The following DNAI4 variants were observed in gnomAD, a reference collection of about 807,000 sequenced individuals.
DNAI4 encodes the protein WD repeat domain 78.
In DNAI4, 85 loss-of-function variants were observed where a neutral mutation model predicts 105.8. The observed-to-expected ratio is 0.80, with a 90% CI of 0.67 to 0.96. The LOEUF is 0.96. Among genes scored for constraint, DNAI4 ranks in the 40% least tolerant of loss-of-function variants. The probability of loss-of-function intolerance (pLI) is 0.00; values close to 1 mark genes in which losing one functional copy is unlikely to be tolerated. For synonymous variants in DNAI4, 352 were observed against 331.5 expected, an observed-to-expected ratio of 1.06 and a Z score of -0.67; for missense variants, 1,014 against 1,005.6, an observed-to-expected ratio of 1.01 and a Z score of -0.11.
At chr1:66,825,469 C>A (rs186225115) in intron 15 of DNAI4, among the ~76,000 whole-genome samples, 9 of 152,148 alleles carry the variant, frequency 5.9e-5, no homozygotes, top group Non-Finnish European at 1.2e-4. Context: ...GCGTGAGCCA[C>A]CGCGCACGGC....
At chr1:66,887,048 G>A (rs1283697932) in intron 4 of DNAI4, among the ~76,000 whole-genome samples, 1 of 151,382 alleles carries the variant, frequency 6.6e-6, no homozygotes, top group Non-Finnish European at 1.5e-5. Flanking sequence ...CCTCAGCTCA[G>A]ATCTTTAGCT....
chr1:66,838,781 C>T (rs577747317), intron 9 of DNAI4, among the ~76,000 whole-genome samples: 107 of 152,294 alleles, frequency 7.0e-4, no homozygotes, highest in Middle Eastern at 3.4e-3. Context: ...CTCTTCTAGA[C>T]GCTGCAGAGG....
At chr1:66,864,353 G>A (rs912954533) in intron 6 of DNAI4, among the ~76,000 whole-genome samples, 4 of 152,050 alleles carry the variant, frequency 2.6e-5, no homozygotes, top group Non-Finnish European at 5.9e-5. Flanking sequence ...ATTAAAGAAA[G>A]CTTATTTTAA....
In DNAI4 at chr1:66,891,399, A is replaced by C. The variant is rs1647632928; in HGVS notation, c.531-133T>G. The C allele has an allele frequency of 2.6e-5, 15 of 578,336 alleles. No homozygotes were observed. The South Asian group carries it at 3.1e-4, about 12-fold the overall frequency. The allele number at this position is 578,336 out of a possible 1,614,324, so 35.8% of individuals were successfully genotyped here. A position where few individuals can be genotyped will look rare whatever the true frequency, so the allele number is the denominator to read the frequency against. On this transcript the variant is annotated intron_variant, in intron 3 of 16. Coordinates refer to ENST00000371026, the MANE Select transcript of DNAI4 (RefSeq NM_024763.5). The stretch of plus-strand genomic sequence containing the variant: ...TCATATAAGCAAAATAGATACATTA[A>C]TTTTTAAATAATGAGTTGGTTTTTA...
At chr1:66,844,921 G>A (rs185067787) in intron 8 of DNAI4, among the ~76,000 whole-genome samples, 6 of 152,050 alleles carry the variant, frequency 3.9e-5, no homozygotes, top group Non-Finnish European at 7.4e-5. Context: ...GGCTGGGCAC[G>A]GTGGCTCATG....
intron 2 of DNAI4, among the ~76,000 whole-genome samples, chr1:66,903,179 A>G (rs532132318): frequency 4.2e-4 from 64 of 152,190 alleles, no homozygotes; most frequent in Non-Finnish European, 8.5e-4. Context: ...TGAACAAGAA[A>G]TGTCTTTCTG....
chr1:66,845,307 A>T (rs1281768618), intron 8 of DNAI4, among the ~76,000 whole-genome samples: 7 of 151,974 alleles, frequency 4.6e-5, no homozygotes, highest in African/African-American at 1.7e-4. Context: ...GACCAAAATA[A>T]ACCACATAAA....
At chr1:66,874,154 A>G (rs1036634306) in intron 5 of DNAI4, among the ~76,000 whole-genome samples, 1 of 151,940 alleles carries the variant, frequency 6.6e-6, no homozygotes, top group South Asian at 2.1e-4. Flanking sequence ...ATTATTAGGG[A>G]TAAAGAGGGA....
At chr1:66,835,802 C>T (rs1572616468) in intron 10 of DNAI4, 25 bp from the exon 11 acceptor site, 2 of 1,610,068 alleles carry the variant, frequency 1.2e-6, no homozygotes, top group East Asian at 4.5e-5. Flanking sequence ...ATTACATTTT[C>T]AATTTGTTTT....
In DNAI4 at chr1:66,905,377, T is replaced by C. The variant is rs761941875; in HGVS notation, c.171-2A>G. ...TTCTTTGGTTGTGTGGCATTGTTCC[T>C]ATATAAGAAAAATAAAATATAATGC... is the stretch of plus-strand genomic sequence containing the variant. On this transcript the variant is annotated splice_acceptor_variant, in intron 1 of 16. Transcript: ENST00000371026. LOFTEE classifies it high-confidence loss of function. 1.4e-6 allele frequency: 2 copies of C among 1,420,780 alleles called. No individual in the cohort carries two copies. Among genetic ancestry groups the C allele is most frequent in the African/African-American group, 2.9e-5 (2 of 69,620 alleles). 88.0% of individuals were successfully genotyped at this position (1,420,780 alleles called of 1,614,324 possible).
intron 3 of DNAI4, among the ~76,000 whole-genome samples, chr1:66,892,232 T>G (rs962874709): frequency 6.6e-6 from 1 of 152,184 alleles, no homozygotes; most frequent in Admixed American, 6.5e-5. Flanking sequence ...ATATCCTCCT[T>G]TACCAGGTAC....
intron 6 of DNAI4, among the ~76,000 whole-genome samples, chr1:66,867,587 T>C (rs1160072808): frequency 6.6e-6 from 1 of 152,184 alleles, no homozygotes. Context: ...TCTTGTTCCA[T>C]GAATGCAACA....
chr1:66,882,526 T>C (rs968942092), intron 4 of DNAI4, among the ~76,000 whole-genome samples: 2 of 143,906 alleles, frequency 1.4e-5, no homozygotes, highest in Non-Finnish European at 3.1e-5. Flanking sequence ...CTCTCTCTCT[T>C]TTTTTTTGCA....
rs1456181902 is a variant in DNAI4, at chr1:66,837,896, AGTAAG to A, written c.1495-105_1495-101del. On this transcript the variant is annotated intron_variant, in intron 9 of 16. Coordinates refer to ENST00000371026, the MANE Select transcript of DNAI4 (RefSeq NM_024763.5). ...ATTAATGAGCTGTGTTAAAAATAGT[AGTAAG>A]ACATTTCATCTGAGAGGAAAAAATG... 3.5e-6 allele frequency: 4 copies of A among 1,151,360 alleles called. No individual in the cohort carries two copies. The African/African-American group carries it at 6.4e-5, about 18-fold the overall frequency. The allele number at this position is 1,151,360 out of a possible 1,614,324, so 71.3% of individuals were successfully genotyped here. A position where few individuals can be genotyped will look rare whatever the true frequency, so the allele number is the denominator to read the frequency against.
intron 4 of DNAI4, among the ~76,000 whole-genome samples, chr1:66,888,877 A>G (rs1316661338): frequency 6.6e-6 from 1 of 152,246 alleles, no homozygotes; most frequent in Non-Finnish European, 1.5e-5. Context: ...TCTTTATGCT[A>G]AGAGTAATGC....
Position 66,826,869 on chromosome 1 carries a change from C to A in DNAI4, c.2290G>T (p.Ala764Ser), listed in dbSNP as rs974540171. ...TCCACCCTGTTCTCATTTGCAGCTG[C>A]AAATATATAGGATGATTTTGGAGAC... ...AWSPKSSYIFAAANENRVEIW... is the reference protein window; with the variant it reads ...AWSPKSSYIFSAANENRVEIW... Residue 764 changes from alanine to serine, a missense_variant, in exon 15 of 17, where the codon GCA (alanine) becomes TCA (serine). Physicochemically the swap from Ala to Ser is moderately conservative, Grantham distance 99. Coordinates refer to ENST00000371026, the MANE Select transcript of DNAI4 (RefSeq NM_024763.5). 6.2e-7 allele frequency: 1 copy of A among 1,613,982 alleles called. No individual in the cohort carries two copies. Among genetic ancestry groups the A allele is most frequent in the African/African-American group, 1.3e-5 (1 of 74,992 alleles).
In DNAI4 at chr1:66,852,714, C is replaced by G. The variant is rs77235071; in HGVS notation, c.1097-5036G>C. ...AAAAATAGAAACAAGCAGGGTGTTA[C>G]GGACAGAATGATTGTGTCCCTATAA... On this transcript the variant is annotated intron_variant, in intron 7 of 16. Coordinates refer to ENST00000371026, the MANE Select transcript of DNAI4 (RefSeq NM_024763.5). 4.7e-3 allele frequency among the ~76,000 whole-genome samples: 712 copies of G among 152,106 alleles called. 4 individuals carry two copies. Among genetic ancestry groups the G allele is most frequent in the Non-Finnish European group, 8.2e-3 (554 of 67,964 alleles).
At chr1:66,839,484 T>A (rs192096174) in intron 9 of DNAI4, among the ~76,000 whole-genome samples, 21 of 152,318 alleles carry the variant, frequency 1.4e-4, no homozygotes, top group Admixed American at 1.0e-3. Flanking sequence ...TAGCACCTGA[T>A]AAGGTGTGGC....
At chr1:66,922,995 C>A (rs1650619583) in intron 1 of DNAI4, among the ~76,000 whole-genome samples, 1 of 152,136 alleles carries the variant, frequency 6.6e-6, no homozygotes, top group South Asian at 2.1e-4. Flanking sequence ...AGTCCTGGAT[C>A]ATCAACAATG....
Sources: gnomAD v4.1 joint callset for allele counts (sites outside exome capture counted in the v4.1 genomes callset) on GRCh38, gnomAD v4.1.1 for gene constraint, MANE v1.5 for transcripts, NCBI Gene and HGNC (gene_info 2026-07-23, HGNC 2026-07-21) for gene names.